Variants in ZFP1 observed in about 807,000 individuals in gnomAD.
The protein encoded by ZFP1 is ZFP1 zinc finger protein.
ZFP1 carries 32 observed loss-of-function variants against 38.5 expected under a neutral mutation model. That is an observed-to-expected ratio of 0.83 (90% CI 0.63 to 1.12). ZFP1 has a LOEUF of 1.12. ZFP1 is among the 50% of genes most tolerant of loss of function. The pLI, the probability that ZFP1 is intolerant of heterozygous loss-of-function variation, is 0.00. For synonymous variants in ZFP1, 245 were observed against 168.8 expected, an observed-to-expected ratio of 1.45 and a Z score of -3.50; for missense variants, 616 against 480.8, an observed-to-expected ratio of 1.28 and a Z score of -2.63.
chr16:75,148,017 T>C (rs992993813), upstream of ZFP1, among the ~76,000 whole-genome samples: 62 of 152,120 alleles, frequency 4.1e-4, no homozygotes, highest in African/African-American at 1.4e-3. Flanking sequence ...CTTAAATATA[T>C]AGATCTCAAC....
At position 75,170,902 on chromosome 16, in the gene ZFP1, A is replaced by T. The variant is rs78857584; in HGVS notation, c.*568A>T. ...GTCTTTCCCTACTGCTTGCTGGCAT[A>T]TATCAGTTGGTATGAACATTGTTCT... On this transcript the variant is annotated 3_prime_UTR_variant, in exon 4 of 4. Transcript: ENST00000570010. 1.4e-5 allele frequency: 2 copies of T among 145,240 alleles called. No homozygotes were observed. The highest frequency in any genetic ancestry group is 3.1e-5 in the Non-Finnish European group (2 of 65,150). 9.0% of individuals were successfully genotyped at this position (145,240 alleles called of 1,614,324 possible).
At chr16:75,124,128 T>A in the ZFP1 span, among the ~76,000 whole-genome samples, 1 of 151,332 alleles carries the variant, frequency 6.6e-6, no homozygotes, top group African/African-American at 2.4e-5. Context: ...AATAAGTGTG[T>A]CCTTTTGAAA....
At chr16:75,155,072 C>G (rs1019130788) in intron 2 of ZFP1, among the ~76,000 whole-genome samples, 1 of 152,128 alleles carries the variant, frequency 6.6e-6, no homozygotes, top group Non-Finnish European at 1.5e-5. Flanking sequence ...ATGCTGATTA[C>G]AAGCGTAAGT....
intron 2 of ZFP1, among the ~76,000 whole-genome samples, chr16:75,156,746 G>A (rs946143230): frequency 3.0e-4 from 46 of 152,316 alleles, no homozygotes; most frequent in Non-Finnish European, 1.0e-4. Context: ...CTGGTGAATA[G>A]CCACCACTCA....
Position 75,170,964 on chromosome 16 carries a change from G to GT in ZFP1, c.*634dup. 1 of 13,904 alleles carries GT rather than the reference G, an allele frequency of 7.2e-5. No homozygotes were observed. Among genetic ancestry groups the GT allele is most frequent in the Admixed American group, 7.4e-4 (1 of 1,352 alleles). The allele number at this position is 13,904 out of a possible 1,614,324, so 0.9% of individuals were successfully genotyped here. On this transcript the variant is annotated 3_prime_UTR_variant, in exon 4 of 4. Transcript: ENST00000570010. ...TTAGGAAACAGAAGACAGTGTTGAA[G>GT]TTTTCCCTGCTTCTGGTTTGCTGAA... is the stretch of plus-strand genomic sequence containing the variant.
rs1404499391 is a variant in ZFP1 at position 75,170,613 on chromosome 16, G to C, written c.*279G>C. 3.1e-6 allele frequency: 1 copy of C among 325,250 alleles called. No homozygotes were observed. Among genetic ancestry groups the C allele is most frequent in the Non-Finnish European group, 5.5e-6 (1 of 181,068 alleles). The allele number at this position is 325,250 out of a possible 1,614,324, so 20.1% of individuals were successfully genotyped here. A position where few individuals can be genotyped will look rare whatever the true frequency, so the allele number is the denominator to read the frequency against. On this transcript the variant is annotated 3_prime_UTR_variant, in exon 4 of 4. Coordinates refer to ENST00000570010, the MANE Select transcript of ZFP1 (RefSeq NM_153688.4). ...AATCTTGAATGAATTGAGTATTCTA[G>C]ACAGCAGCATAAGAAATATACAAAC...
chr16:75,165,057 A>C (rs11859447), intron 2 of ZFP1, among the ~76,000 whole-genome samples: 3 of 151,944 alleles, frequency 2.0e-5, no homozygotes, highest in African/African-American at 7.3e-5. Context: ...CACCCACTTC[A>C]GCCTCCCAAA....
rs10514391 is a variant in ZFP1 at position 75,170,820 on chromosome 16, C to T, written c.*486C>T. 7,967 of 154,008 alleles carry T rather than the reference C, an allele frequency of 0.052. 364 individuals are homozygous for T. The highest frequency in any genetic ancestry group is 0.12 in the African/African-American group (4,961 of 41,554). The allele number at this position is 154,008 out of a possible 1,614,324, so 9.5% of individuals were successfully genotyped here. A position where few individuals can be genotyped will look rare whatever the true frequency, so the allele number is the denominator to read the frequency against. On this transcript the variant is annotated 3_prime_UTR_variant, in exon 4 of 4. Transcript: ENST00000570010. The stretch of plus-strand genomic sequence containing the variant: ...TCACATGTGTTTTTCAGTATCTCTG[C>T]AATCCAGTATGCATTCCAAATGAAA...
chr16:75,123,122 G>A, the ZFP1 span, among the ~76,000 whole-genome samples: 6 of 151,954 alleles, frequency 3.9e-5, no homozygotes, highest in Non-Finnish European at 2.9e-5. Flanking sequence ...GGGAGGACAA[G>A]GCGAGTGGAT....
chr16:75,123,429 A>ATGTG, the ZFP1 span, among the ~76,000 whole-genome samples: 92 of 31,664 alleles, frequency 2.9e-3, 3 homozygotes, highest in African/African-American at 6.5e-3. Flanking sequence ...ATATATAAGA[A>ATGTG]TGTGTGTGTG....
chr16:75,123,489 ATATATATATATG>A, the ZFP1 span, among the ~76,000 whole-genome samples: 1 of 116,824 alleles, frequency 8.6e-6, no homozygotes, highest in African/African-American at 3.2e-5. Flanking sequence ...ATATATATAT[ATATATATATATG>A]TAGGAAAACA....
chr16:75,131,366 A>C, the ZFP1 span, among the ~76,000 whole-genome samples: 3 of 152,074 alleles, frequency 2.0e-5, no homozygotes, highest in Non-Finnish European at 4.4e-5. Context: ...CAACTCTTTC[A>C]TATTCACCCT....
intron 2 of ZFP1, among the ~76,000 whole-genome samples, chr16:75,159,651 C>T (rs114694107): frequency 3.3e-5 from 5 of 152,104 alleles, no homozygotes; most frequent in African/African-American, 1.2e-4. Flanking sequence ...ATTTGTCCAC[C>T]TGCCTCAGCC....
upstream of ZFP1, among the ~76,000 whole-genome samples, chr16:75,147,250 A>C (rs2145481474): frequency 6.6e-6 from 1 of 152,194 alleles, no homozygotes. Flanking sequence ...AGTGAACACT[A>C]ATGTAAGCTA....
the ZFP1 span, among the ~76,000 whole-genome samples, chr16:75,133,396 A>G: frequency 3.9e-5 from 6 of 152,152 alleles, no homozygotes; most frequent in Non-Finnish European, 8.8e-5. Flanking sequence ...AGTATTCAAT[A>G]GTTACCTTTT....
intron 2 of ZFP1, among the ~76,000 whole-genome samples, chr16:75,165,093 T>C (rs1400299056): frequency 1.3e-4 from 19 of 151,868 alleles, no homozygotes; most frequent in South Asian, 4.2e-4. Flanking sequence ...GCATGAACCA[T>C]CGCGCCCGGC....
intron 2 of ZFP1, among the ~76,000 whole-genome samples, chr16:75,162,885 T>G (rs1490510211): frequency 2.6e-5 from 4 of 151,788 alleles, no homozygotes; most frequent in Admixed American, 6.6e-5. Context: ...ATTACTTGTA[T>G]TATATTTTAA....
At chr16:75,130,260 C>T in the ZFP1 span, among the ~76,000 whole-genome samples, 1 of 152,142 alleles carries the variant, frequency 6.6e-6, no homozygotes, top group South Asian at 2.1e-4. Flanking sequence ...CTCAGCCTCC[C>T]AAAATGCTGG....
In ZFP1 at chr16:75,170,418, A is replaced by T. The variant is rs2038363035; in HGVS notation, c.*84A>T. 17 of 1,456,236 alleles carry T rather than the reference A, an allele frequency of 1.2e-5. No individual in the cohort carries two copies. The highest frequency in any genetic ancestry group is 1.5e-5 in the Non-Finnish European group (16 of 1,102,042). The allele number at this position is 1,456,236 out of a possible 1,614,324, so 90.2% of individuals were successfully genotyped here. On this transcript the variant is annotated 3_prime_UTR_variant, in exon 4 of 4. Coordinates refer to ENST00000570010, the MANE Select transcript of ZFP1 (RefSeq NM_153688.4). ...AACCTCATGACAGTATTGAGGGAAC[A>T]TGGGAATTCATACTGAGATGCAATC...
Sources: allele counts gnomAD v4.1 joint callset (sites outside exome capture counted in the v4.1 genomes callset), GRCh38; gene constraint gnomAD v4.1.1; transcripts MANE v1.5; gene names NCBI Gene and HGNC (gene_info 2026-07-23, HGNC 2026-07-21).